ANKRD50: variants seen among roughly 807,000 people sequenced by gnomAD.
ANKRD50 encodes ankyrin repeat domain-containing protein 50.
A neutral mutation model predicts 112.0 loss-of-function variants in ANKRD50; 40 were observed. The ratio of observed to expected loss-of-function variants is 0.36; its 90% CI spans 0.28 to 0.46. The LOEUF (loss-of-function observed/expected upper bound fraction) is 0.46, where lower values mean the gene tolerates loss of function less well. Ranked by LOEUF, ANKRD50 falls within the 20% of genes least tolerant of loss-of-function variation. The pLI, the probability that ANKRD50 is intolerant of heterozygous loss-of-function variation, is 1.00. For synonymous variants in ANKRD50, 613 were observed against 619.1 expected (o/e 0.99, Z 0.15); for missense variants, 1,487 against 1,701.7 (o/e 0.87, Z 2.22).
intron 2 of ANKRD50, among the ~76,000 whole-genome samples, chr4:124,686,383 C>T (rs969733580): frequency 1.3e-5 from 2 of 152,102 alleles, no homozygotes; most frequent in African/African-American, 4.8e-5. Context: ...GCCCCTGGGG[C>T]CACTGATAAA....
chr4:124,700,782 T>C (rs1725372192), intron 2 of ANKRD50, among the ~76,000 whole-genome samples: 1 of 152,178 alleles, frequency 6.6e-6, no homozygotes, highest in African/African-American at 2.4e-5. Flanking sequence ...TTGGGTCCCA[T>C]CTGCTCCATA....
chr4:124,688,612 GACTA>G (rs965795428), intron 2 of ANKRD50, among the ~76,000 whole-genome samples: 10 of 152,196 alleles, frequency 6.6e-5, no homozygotes, highest in African/African-American at 1.2e-4. Context: ...GAACTCAGGA[GACTA>G]ACTATGTCCT....
Position 124,671,227 on chromosome 4 carries a change from C to T in ANKRD50, c.2050G>A (p.Ala684Thr). The change falls in exon 4 of 5, where the codon GCA becomes ACA. Residue 684 changes from alanine to threonine, a missense_variant. Ala to Thr is a moderately conservative substitution (Grantham distance 58). This residue lies in a region of ANKRD50 where 1,046 missense variants were observed against 1,269.5 expected (regional missense o/e 0.82). Coordinates refer to ENST00000504087, the MANE Select transcript of ANKRD50 (RefSeq NM_020337.3). ...DNEGRTALIA[A>T]AYMGHREIVE... ...ATCTCTCTATGTCCCATGTATGCTG[C>T]TGCTATCAAAGCAGTTCTACCTTCA... 1 of 1,613,916 alleles carries T rather than the reference C, an allele frequency of 6.2e-7. No homozygotes were observed. The highest frequency in any genetic ancestry group is 8.5e-7 in the Non-Finnish European group (1 of 1,179,862).
At chr4:124,692,633 A>C (rs1264420860) in intron 2 of ANKRD50, among the ~76,000 whole-genome samples, 1 of 152,078 alleles carries the variant, frequency 6.6e-6, no homozygotes, top group Non-Finnish European at 1.5e-5. Flanking sequence ...AATGGTATTA[A>C]TGTTCTATAA....
chr4:124,672,341 TC>T lies in ANKRD50; in HGVS notation c.935del (p.Gly312GlufsTer3), dbSNP rs1730681135. On this transcript the variant is annotated frameshift_variant, in exon 4 of 5. Coordinates refer to ENST00000504087, the MANE Select transcript of ANKRD50 (RefSeq NM_020337.3). LOFTEE classifies it high-confidence loss of function. ...CFLYLERVLD[G>X]VVENFIMLRE... ...TTAACATAATAAAATTTTCTACAACTCCATCTAAAACTCGTTCTAGGTAAAG... is the reference window on the plus strand; with the variant it reads ...TTAACATAATAAAATTTTCTACAACTCATCTAAAACTCGTTCTAGGTAAAG... 6.2e-7 allele frequency: 1 copy of T among 1,613,262 alleles called. No individual in the cohort carries two copies. Among genetic ancestry groups the T allele is most frequent in the African/African-American group, 1.3e-5 (1 of 74,840 alleles).
At chr4:124,705,421 T>C (rs868295144) in intron 2 of ANKRD50, among the ~76,000 whole-genome samples, 1 of 152,218 alleles carries the variant, frequency 6.6e-6, no homozygotes, top group Non-Finnish European at 1.5e-5. Context: ...ATATTTAATT[T>C]TTCCTATTAA....
chr4:124,691,867 T>C (rs1045483606), intron 2 of ANKRD50, among the ~76,000 whole-genome samples: 1 of 152,208 alleles, frequency 6.6e-6, no homozygotes, highest in Non-Finnish European at 1.5e-5. Context: ...TTGAAAGCAG[T>C]ACACAAGTTG....
intron 2 of ANKRD50, among the ~76,000 whole-genome samples, chr4:124,685,099 A>G (rs1356500005): frequency 3.3e-5 from 5 of 152,132 alleles, no homozygotes. Flanking sequence ...ACATTCTTAG[A>G]TTAACTTGTT....
Position 124,710,593 on chromosome 4 carries a change from T to A in ANKRD50, c.-82A>T. 1 of 1,450,392 alleles carries A rather than the reference T, an allele frequency of 6.9e-7. No homozygotes were observed. The highest frequency in any genetic ancestry group is 1.3e-5 in the South Asian group (1 of 75,674). The allele number at this position is 1,450,392 out of a possible 1,614,324, so 89.8% of individuals were successfully genotyped here. ...ATCCATTATGACATAACTTGTATAT[T>A]AAGTTGACTCTGAAGACAGAGTAAC... On this transcript the variant is annotated 5_prime_UTR_variant, in exon 2 of 5. Coordinates refer to ENST00000504087, the MANE Select transcript of ANKRD50 (RefSeq NM_020337.3).
intron 2 of ANKRD50, among the ~76,000 whole-genome samples, chr4:124,695,496 G>T (rs980543070): frequency 6.6e-6 from 1 of 152,050 alleles, no homozygotes; most frequent in East Asian, 1.9e-4. Context: ...TTTCCTCAAC[G>T]CACGTTTACT....
Position 124,672,552 on chromosome 4 carries a change from A to C in ANKRD50, c.743-18T>G, listed in dbSNP as rs773292130. 5.9e-5 allele frequency: 90 copies of C among 1,518,554 alleles called. No individual in the cohort carries two copies. In the South Asian group the frequency reaches 7.5e-4, roughly 13 times the overall value. 94.1% of individuals were successfully genotyped at this position (1,518,554 alleles called of 1,614,324 possible). A position where few individuals can be genotyped will look rare whatever the true frequency, so the allele number is the denominator to read the frequency against. ...TCGAAAACCTAAAGAAGAGATAAAA[A>C]AGTAGATGTAATCAGTTGAAAAGGA... On this transcript the variant is annotated intron_variant, in intron 3 of 4. Coordinates refer to ENST00000504087, the MANE Select transcript of ANKRD50 (RefSeq NM_020337.3).
At chr4:124,698,627 T>C (rs991052267) in intron 2 of ANKRD50, among the ~76,000 whole-genome samples, 13 of 152,106 alleles carry the variant, frequency 8.5e-5, no homozygotes, top group African/African-American at 3.1e-4. Flanking sequence ...GTCAAAATTA[T>C]TTTGAAAGAA....
chr4:124,701,891 T>C (rs1431801979), intron 2 of ANKRD50, among the ~76,000 whole-genome samples: 1 of 150,946 alleles, frequency 6.6e-6, no homozygotes, highest in Non-Finnish European at 1.5e-5. Flanking sequence ...CTTCACAAAA[T>C]TAAAATTAAA....
chr4:124,688,835 C>A (rs555437617), intron 2 of ANKRD50, among the ~76,000 whole-genome samples: 1 of 152,314 alleles, frequency 6.6e-6, no homozygotes, highest in Non-Finnish European at 1.5e-5. Flanking sequence ...TTATCAATTT[C>A]TCTAACCTCA....
intron 2 of ANKRD50, among the ~76,000 whole-genome samples, chr4:124,679,499 T>C (rs935873379): frequency 6.6e-6 from 1 of 152,200 alleles, no homozygotes; most frequent in Non-Finnish European, 1.5e-5. Flanking sequence ...TAGGCTTTAC[T>C]CCATTAATTA....
In ANKRD50 at chr4:124,678,652, A is replaced by G. The variant is rs549966391; in HGVS notation, c.742+24T>C. The G allele has an allele frequency of 2.8e-5, 45 of 1,586,840 alleles. 1 individual carries two copies. In the South Asian group the frequency reaches 5.0e-4, roughly 18 times the overall value. On this transcript the variant is annotated intron_variant, in intron 3 of 4. Coordinates refer to ENST00000504087, the MANE Select transcript of ANKRD50 (RefSeq NM_020337.3). ...GTTCATTAATGAAAAGCATTTAAGG[A>G]TGGCAGTAAGTAATTATGCTTACCA...
chr4:124,686,293 A>T (rs534940426), intron 2 of ANKRD50, among the ~76,000 whole-genome samples: 8 of 152,168 alleles, frequency 5.3e-5, no homozygotes, highest in Non-Finnish European at 8.8e-5. Context: ...TATTAGGAAG[A>T]ATGTCCCTCC....
chr4:124,684,443 A>G (rs1197743018), intron 2 of ANKRD50, among the ~76,000 whole-genome samples: 1 of 152,112 alleles, frequency 6.6e-6, no homozygotes, highest in Non-Finnish European at 1.5e-5. Context: ...ACTACACCCA[A>G]TACTACACTC....
chr4:124,671,955 G>A lies in ANKRD50; in HGVS notation c.1322C>T (p.Thr441Ile). 6.2e-7 allele frequency: 1 copy of A among 1,613,848 alleles called. No homozygotes were observed. The highest frequency in any genetic ancestry group is 8.5e-7 in the Non-Finnish European group (1 of 1,179,886). ...EGHRMLAMSY[T>I]CQAKNLTPLE... ...TGGTGTTAAATTCTTGGCTTGACAG[G>A]TATAACTCATAGCCAACATTCTGTG... Residue 441 changes from threonine to isoleucine, a missense_variant, in exon 4 of 5, where the codon ACC becomes ATC. Physicochemically the swap from Thr to Ile is moderately conservative, Grantham distance 89 (BLOSUM62 -1). This residue lies in a region of ANKRD50 where 1,046 missense variants were observed against 1,269.5 expected (regional missense o/e 0.82). Transcript: ENST00000504087.
Sources: allele counts gnomAD v4.1 joint callset (sites outside exome capture counted in the v4.1 genomes callset), GRCh38; gene constraint gnomAD v4.1.1; regional missense constraint gnomAD v4.1.1; transcripts MANE v1.5; gene names NCBI Gene and HGNC (gene_info 2026-07-23, HGNC 2026-07-21).